SORL1: variants seen among roughly 807,000 people sequenced by gnomAD.
SORL1 encodes sortilin-related receptor.
Under a neutral mutation model 273.7 loss-of-function variants are expected in SORL1, and 127 were observed. That is an observed-to-expected ratio of 0.46 (90% CI 0.40 to 0.54). SORL1 has a LOEUF of 0.54. Ranked by LOEUF, SORL1 falls within the 20% of genes least tolerant of loss-of-function variation. The pLI is 0.00. For missense variants in SORL1, 2,494 were observed against 2,846.1 expected (o/e 0.88, Z 2.81); for synonymous variants, 1,031 against 1,067.4 (o/e 0.97, Z 0.66).
chr11:121,501,982 G>A (rs1861715219), intron 6 of SORL1, among the ~76,000 whole-genome samples: 1 of 152,010 alleles, frequency 6.6e-6, no homozygotes, highest in Non-Finnish European at 1.5e-5. Context: ...CTATTAGTTG[G>A]TGGCCATTTG....
intron 28 of SORL1, 123 bp from the exon 29 acceptor site, chr11:121,589,136 G>T: frequency 1.8e-6 from 2 of 1,088,112 alleles, no homozygotes. Flanking sequence ...TCAAGGCATG[G>T]TTTAGCCAGA....
At chr11:121,534,342 A>G (rs1367004340) in intron 12 of SORL1, among the ~76,000 whole-genome samples, 1 of 152,226 alleles carries the variant, frequency 6.6e-6, no homozygotes, top group African/African-American at 2.4e-5. Context: ...ATATGTGCTC[A>G]GGGAACGCAG....
intron 3 of SORL1, among the ~76,000 whole-genome samples, chr11:121,480,634 T>TA (rs1861358317): frequency 1.4e-5 from 2 of 142,078 alleles, no homozygotes; most frequent in Non-Finnish European, 3.1e-5. Context: ...CACAGATACC[T>TA]ATAGGCAGGC....
At chr11:121,552,254 G>C (rs1451704165) in intron 16 of SORL1, among the ~76,000 whole-genome samples, 1 of 152,158 alleles carries the variant, frequency 6.6e-6, no homozygotes, top group Non-Finnish European at 1.5e-5. Context: ...GCATCTGGAA[G>C]GATTTTTTAA....
chr11:121,576,861 C>A (rs757393200), intron 24 of SORL1: 1 of 1,535,454 alleles, frequency 6.5e-7, no homozygotes, highest in Admixed American at 2.0e-5. Flanking sequence ...GCAGACCTCT[C>A]GGCACTCCTT....
intron 11 of SORL1, among the ~76,000 whole-genome samples, chr11:121,529,317 A>G (rs1862168779): frequency 6.6e-6 from 1 of 152,098 alleles, no homozygotes; most frequent in Admixed American, 6.5e-5. Flanking sequence ...CCTGGGTTCA[A>G]GTGATTCTCC....
rs940682250 is a variant in SORL1, at chr11:121,554,112, G to T, written c.2439+3G>T. ...ACCTGGCCTTGGACGTCATCCAGGT[G>T]AGTCAGCGCTTGGTCTGACTGTGGG... On this transcript the variant is annotated splice_donor_region_variant and intron_variant, in intron 17 of 47. Coordinates refer to ENST00000260197, the MANE Select transcript of SORL1 (RefSeq NM_003105.6). This position sits in a 1 kb window ranked among gnomAD's most constrained non-coding sequence, Gnocchi z 4.6. 4 of 1,613,326 alleles carry T rather than the reference G, an allele frequency of 2.5e-6. No individual in the cohort carries two copies. The highest frequency in any genetic ancestry group is 2.2e-5 in the East Asian group (1 of 44,866).
At position 121,452,570 on chromosome 11, in the gene SORL1, A is replaced by G. The variant is rs768920320; in HGVS notation, c.239A>G (p.Lys80Arg). The G allele has an allele frequency of 5.1e-5, 78 of 1,520,290 alleles. No homozygotes were observed. Among genetic ancestry groups the G allele is most frequent in the Non-Finnish European group, 2.6e-6 (3 of 1,141,980 alleles). The allele number at this position is 1,520,290 out of a possible 1,614,324, so 94.2% of individuals were successfully genotyped here. A position where few individuals can be genotyped will look rare whatever the true frequency, so the allele number is the denominator to read the frequency against. ...GCGGACGAGAAGCCGCTCCGGAGGA[A>G]ACGGAGCGCTGCCCTGCAGCCCGAG... ...SRADEKPLRRKRSAALQPEPI... is the reference protein window; with the variant it reads ...SRADEKPLRRRRSAALQPEPI... Residue 80 changes from lysine to arginine, a missense_variant, in exon 1 of 48, where the codon AAA becomes AGA. Transcript: ENST00000260197. This position sits in a 1 kb window ranked among gnomAD's most constrained non-coding sequence, Gnocchi z 5.3.
At position 121,550,540 on chromosome 11, in the gene SORL1, A is replaced by C; in HGVS notation, c.2181-45A>C. 1 of 1,568,646 alleles carries C rather than the reference A, an allele frequency of 6.4e-7. No individual in the cohort carries two copies. Among genetic ancestry groups the C allele is most frequent in the East Asian group, 2.2e-5 (1 of 44,566 alleles). ...TCCCAGCTGGGATGCCTTTGTGGCTATTCTTCCATGTTTCTGACCTCTTGC... is the reference window on the plus strand; with the variant it reads ...TCCCAGCTGGGATGCCTTTGTGGCTCTTCTTCCATGTTTCTGACCTCTTGC... On this transcript the variant is annotated intron_variant, in intron 15 of 47. Transcript: ENST00000260197. This position sits in a 1 kb window ranked among gnomAD's most constrained non-coding sequence, Gnocchi z 5.3.
chr11:121,622,102 G>C, intron 44 of SORL1, 60 bp from the exon 45 acceptor site: 1 of 969,274 alleles, frequency 1.0e-6, no homozygotes, highest in East Asian at 2.4e-5. Flanking sequence ...TGATAGACAA[G>C]AAAATAGAGT....
At chr11:121,555,742 TATC>T (rs373632261) in intron 18 of SORL1, among the ~76,000 whole-genome samples, 8 of 151,840 alleles carry the variant, frequency 5.3e-5, no homozygotes, top group Admixed American at 1.3e-4. Context: ...ATAGCAACAA[TATC>T]ATCATCATCA....
At chr11:121,528,630 A>G (rs1481451560) in intron 11 of SORL1, among the ~76,000 whole-genome samples, 1 of 152,206 alleles carries the variant, frequency 6.6e-6, no homozygotes, top group African/African-American at 2.4e-5. Context: ...TTCGAATGAT[A>G]AGTTACTTAG....
chr11:121,453,355 G>A (rs1860843301), intron 1 of SORL1, among the ~76,000 whole-genome samples: 1 of 152,158 alleles, frequency 6.6e-6, no homozygotes, highest in South Asian at 2.1e-4. Context: ...AGGTTTATTA[G>A]ATCATAAGTA....
chr11:121,600,530 T>G (rs1863372919), intron 32 of SORL1, among the ~76,000 whole-genome samples: 1 of 152,122 alleles, frequency 6.6e-6, no homozygotes, highest in Non-Finnish European at 1.5e-5. Flanking sequence ...TTGGAGATAA[T>G]TAAGAAAGAG....
At chr11:121,583,698 C>T in intron 26 of SORL1, 115 bp downstream of exon 26, 1 of 1,135,096 alleles carries the variant, frequency 8.8e-7, no homozygotes, top group South Asian at 1.8e-5. Flanking sequence ...TGTATTTACA[C>T]TCTGAAACCA....
At chr11:121,527,064 G>C (rs1409847353) in intron 11 of SORL1, among the ~76,000 whole-genome samples, 1 of 151,928 alleles carries the variant, frequency 6.6e-6, no homozygotes, top group Non-Finnish European at 1.5e-5. Context: ...AATAGAAGTA[G>C]TGAAAGTGGG....
rs928508227 is a variant in SORL1 at position 121,522,817 on chromosome 11, A to G, written c.1523-99A>G. ...TAACCACGCTTTGTGGTTTGAAAGCATTCTTAGTTGCTAGATACTACGCAG... is the reference window on the plus strand; with the variant it reads ...TAACCACGCTTTGTGGTTTGAAAGCGTTCTTAGTTGCTAGATACTACGCAG... On this transcript the variant is annotated intron_variant, in intron 10 of 47. Coordinates refer to ENST00000260197, the MANE Select transcript of SORL1 (RefSeq NM_003105.6). The G allele has an allele frequency of 4.8e-5, 65 of 1,366,354 alleles. 1 individual carries two copies. In the East Asian group the frequency reaches 1.5e-3, roughly 31 times the overall value. 84.6% of individuals were successfully genotyped at this position (1,366,354 alleles called of 1,614,324 possible). A position where few individuals can be genotyped will look rare whatever the true frequency, so the allele number is the denominator to read the frequency against.
chr11:121,595,904 C>T lies in SORL1; in HGVS notation c.4519+132C>T, dbSNP rs1468972906. The stretch of plus-strand genomic sequence containing the variant: ...GTGTACTTGCGTAACCATGCTCTTA[C>T]TGCATTCTCCACAAGCGCTTTGCCA... On this transcript the variant is annotated intron_variant, in intron 32 of 47. Transcript: ENST00000260197. The surrounding 1 kb of genome is among the most constrained non-coding windows in gnomAD (Gnocchi z 5.1). 8 of 954,894 alleles carry T rather than the reference C, an allele frequency of 8.4e-6. No individual in the cohort carries two copies. Among genetic ancestry groups the T allele is most frequent in the Non-Finnish European group, 1.2e-5 (8 of 664,862 alleles). The allele number at this position is 954,894 out of a possible 1,614,324, so 59.2% of individuals were successfully genotyped here. A position where few individuals can be genotyped will look rare whatever the true frequency, so the allele number is the denominator to read the frequency against.
At chr11:121,607,064 AC>A in intron 36 of SORL1, 107 bp downstream of exon 36, 1 of 1,025,234 alleles carries the variant, frequency 9.8e-7, no homozygotes, top group Non-Finnish European at 1.5e-6. Context: ...GTAGGTGATG[AC>A]CCATCCGTCA....
Sources: gnomAD v4.1 joint callset for allele counts (sites outside exome capture counted in the v4.1 genomes callset) on GRCh38, gnomAD v4.1.1 for gene constraint, Gnocchi (gnomAD v3.1) non-coding constraint, MANE v1.5 for transcripts, NCBI Gene and HGNC (gene_info 2026-07-23, HGNC 2026-07-21) for gene names.